The following SMG5 variants were observed in gnomAD, a reference collection of about 807,000 sequenced individuals.
SMG5 encodes the protein SMG5 nonsense mediated mRNA decay factor, also known as nonsense-mediated mRNA decay factor SMG5.
Under a neutral mutation model 122.9 loss-of-function variants are expected in SMG5, and 53 were observed. The ratio of observed to expected loss-of-function variants is 0.43; its 90% CI spans 0.35 to 0.54. The LOEUF (loss-of-function observed/expected upper bound fraction) is 0.54, where lower values mean the gene tolerates loss of function less well. Among genes scored for constraint, SMG5 ranks in the 20% least tolerant of loss-of-function variants. The pLI, the probability that SMG5 is intolerant of heterozygous loss-of-function variation, is 0.01. For missense variants in SMG5, 1,153 were observed against 1,285.6 expected, an observed-to-expected ratio of 0.90 and a Z score of 1.58; for synonymous variants, 477 against 490.2, an observed-to-expected ratio of 0.97 and a Z score of 0.35.
chr1:156,275,996 A>AG (rs914539622), intron 4 of SMG5, among the ~76,000 whole-genome samples: 1 of 151,846 alleles, frequency 6.6e-6, no homozygotes, highest in Non-Finnish European at 1.5e-5. Flanking sequence ...TTTTTTGTAG[A>AG]GATGATGTAG....
At chr1:156,263,747 C>A (rs1379322954) in intron 12 of SMG5, among the ~76,000 whole-genome samples, 177 bp from the exon 13 acceptor site, 2 of 152,220 alleles carry the variant, frequency 1.3e-5, no homozygotes, top group Non-Finnish European at 2.9e-5. Flanking sequence ...TCCAGGCCCA[C>A]TAACTGTTGT....
At chr1:156,269,841 C>T (rs1662327183) in intron 7 of SMG5, among the ~76,000 whole-genome samples, 1 of 152,186 alleles carries the variant, frequency 6.6e-6, no homozygotes, top group Non-Finnish European at 1.5e-5. Context: ...CGCCACTGCA[C>T]TCCAGCCTGT....
At chr1:156,269,954 C>T (rs1174358320) in intron 7 of SMG5, among the ~76,000 whole-genome samples, 2 of 151,852 alleles carry the variant, frequency 1.3e-5, no homozygotes, top group Non-Finnish European at 2.9e-5. Context: ...GCAGGAGAAT[C>T]GCCTGAACCC....
rs751558911 is a variant in SMG5, at chr1:156,268,307, C to A, written c.822G>T (p.Leu274=). The A allele has an allele frequency of 3.1e-6, 5 of 1,614,170 alleles. No homozygotes were observed. In the South Asian group the frequency reaches 5.5e-5, roughly 18 times the overall value. The change falls in exon 8 of 22, where the codon CTG becomes CTT. Residue 274 remains leucine, a synonymous_variant. Coordinates refer to ENST00000361813, the MANE Select transcript of SMG5 (RefSeq NM_015327.3). ...CCACTCACCGCTTTTTGCCAGGAGACAGTTTCCGAGTCTCACACTTCTTCA... is the reference window on the plus strand; with the variant it reads ...CCACTCACCGCTTTTTGCCAGGAGAAAGTTTCCGAGTCTCACACTTCTTCA... ...HQLKKCETRK[L]SPGKKRCKDI...
intron 12 of SMG5, 96 bp downstream of exon 12, chr1:156,265,683 CGA>C: frequency 1.3e-6 from 2 of 1,519,628 alleles, no homozygotes; most frequent in Non-Finnish European, 1.8e-6. Context: ...AGGGTAGAGA[CGA>C]GAGGTCATTC....
intron 13 of SMG5, among the ~76,000 whole-genome samples, chr1:156,262,987 G>A (rs923578148): frequency 6.6e-6 from 1 of 152,186 alleles, no homozygotes; most frequent in Non-Finnish European, 1.5e-5. Flanking sequence ...TGTTCCCCCT[G>A]CCTAGTACAT....
At position 156,253,059 on chromosome 1, in the gene SMG5, T is replaced by C. The variant is rs1572571569; in HGVS notation, c.2522A>G (p.Glu841Gly). Residue 841 changes from glutamate (E) to glycine (G), a missense_variant, in exon 18 of 22, where the codon GAG (glutamate) becomes GGG (glycine). Physicochemically the swap from Glu to Gly is moderately conservative, Grantham distance 98. Transcript: ENST00000361813. ...GGCCTTGGGCTGCTGCAGGCTGCCC[T>C]CCAGCTGAGACACTTCGAGCTGGTG... ...LRLQLEVSQL[E>G]GSLQQPKAQS... The C allele has an allele frequency of 1.2e-6, 2 of 1,609,276 alleles. No individual in the cohort carries two copies. Among genetic ancestry groups the C allele is most frequent in the Non-Finnish European group, 1.7e-6 (2 of 1,177,800 alleles).
Position 156,250,235 on chromosome 1 carries a change from G to C in SMG5, c.*352C>G. The C allele has an allele frequency of 2.7e-6, 1 of 368,464 alleles. No homozygotes were observed. The highest frequency in any genetic ancestry group is 2.3e-5 in the South Asian group (1 of 42,842). 22.8% of individuals were successfully genotyped at this position (368,464 alleles called of 1,614,324 possible). On this transcript the variant is annotated 3_prime_UTR_variant, in exon 22 of 22. Transcript: ENST00000361813. ...GTGAGGAAGAAGGGCCTCTTTTGCTGTTCCTTCCCCTCAGAGATCCAAGAA... is the reference window on the plus strand; with the variant it reads ...GTGAGGAAGAAGGGCCTCTTTTGCTCTTCCTTCCCCTCAGAGATCCAAGAA...
upstream of SMG5, among the ~76,000 whole-genome samples, chr1:156,287,121 T>TA (rs1663189849): frequency 6.7e-6 from 1 of 150,038 alleles, no homozygotes; most frequent in Non-Finnish European, 1.5e-5. Context: ...AGACTTCATC[T>TA]CAAAAAAATA....
intron 16 of SMG5, among the ~76,000 whole-genome samples, chr1:156,257,212 C>A (rs1376270368): frequency 6.6e-6 from 1 of 152,196 alleles, no homozygotes; most frequent in Non-Finnish European, 1.5e-5. Context: ...TAGGCGTGAG[C>A]CACAGAGCCC....
At chr1:156,282,863 C>T, upstream of SMG5, 1 of 616,694 alleles carries the variant, frequency 1.6e-6, no homozygotes, top group East Asian at 3.0e-5. Context: ...CGATGGCAGC[C>T]GCACAGTTGC....
At chr1:156,289,259 G>T in the SMG5 span, among the ~76,000 whole-genome samples, 1 of 152,208 alleles carries the variant, frequency 6.6e-6, no homozygotes, top group East Asian at 1.9e-4. Flanking sequence ...TGGATCATGA[G>T]GTCAGGAGAT....
At chr1:156,277,512 T>C (rs1014789650) in intron 3 of SMG5, among the ~76,000 whole-genome samples, 4 of 124,404 alleles carry the variant, frequency 3.2e-5, no homozygotes, top group African/African-American at 1.4e-4. Flanking sequence ...TTCTGCTGTC[T>C]TTTTTTTTTT....
the SMG5 span, chr1:156,291,280 C>T: frequency 1.0e-6 from 1 of 989,488 alleles, no homozygotes; most frequent in Non-Finnish European, 1.6e-6. Flanking sequence ...CCATACCCAC[C>T]AACTGCATCT....
At chr1:156,289,762 C>T in the SMG5 span, among the ~76,000 whole-genome samples, 4 of 152,222 alleles carry the variant, frequency 2.6e-5, no homozygotes, top group Admixed American at 2.0e-4. Context: ...ATAAGTGGTC[C>T]TTCATATATT....
At chr1:156,253,679 A>G in intron 16 of SMG5, 171 bp from the exon 17 acceptor site, 1 of 658,698 alleles carries the variant, frequency 1.5e-6, no homozygotes, top group Non-Finnish European at 2.8e-6. Flanking sequence ...ATATTCTTCC[A>G]CTGCACTCTG....
Position 156,272,319 on chromosome 1 carries a change from C to T in SMG5, c.713+1G>A. The T allele has an allele frequency of 1.3e-6, 2 of 1,591,582 alleles. No homozygotes were observed. Among genetic ancestry groups the T allele is most frequent in the Non-Finnish European group, 1.7e-6 (2 of 1,166,478 alleles). ...TGGAAAAAGAGCTGGCAAATACTCA[C>T]CAGCGCAGGTAGCAATACATGGCTT... On this transcript the variant is annotated splice_donor_variant, in intron 7 of 21. Transcript: ENST00000361813. LOFTEE classifies it high-confidence loss of function.
intron 2 of SMG5, among the ~76,000 whole-genome samples, 193 bp from the exon 3 acceptor site, chr1:156,278,241 C>T (rs141239032): frequency 6.9e-4 from 105 of 152,244 alleles, no homozygotes; most frequent in African/African-American, 1.7e-3. Context: ...GACAGAAGCA[C>T]GAAGCACTAA....
At chr1:156,275,815 GTTT>G (rs5777975) in intron 4 of SMG5, among the ~76,000 whole-genome samples, 8 of 141,558 alleles carry the variant, frequency 5.7e-5, no homozygotes, top group African/African-American at 7.8e-5. Context: ...TAATGTGGTG[GTTT>G]TTTTTTTTTT....
Sources: allele counts gnomAD v4.1 joint callset (sites outside exome capture counted in the v4.1 genomes callset), GRCh38; gene constraint gnomAD v4.1.1; transcripts MANE v1.5; gene names NCBI Gene and HGNC (gene_info 2026-07-23, HGNC 2026-07-21).